RBM19: variants seen among roughly 807,000 people sequenced by gnomAD.
RBM19 encodes the protein RNA binding motif protein 19.
In RBM19, 94 loss-of-function variants were observed where a neutral mutation model predicts 116.8. The observed-to-expected ratio is 0.80, with a 90% CI of 0.68 to 0.95. The LOEUF (loss-of-function observed/expected upper bound fraction) is 0.95, where lower values mean the gene tolerates loss of function less well. Among genes scored for constraint, RBM19 ranks in the 40% least tolerant of loss-of-function variants. RBM19 has a pLI of 0.00. For missense variants in RBM19, 1,161 were observed against 1,220.7 expected (o/e 0.95, Z 0.73); for synonymous variants, 475 against 494.1 (o/e 0.96, Z 0.51).
At chr12:113,848,814 T>G (rs1877202483) in intron 22 of RBM19, among the ~76,000 whole-genome samples, 1 of 152,184 alleles carries the variant, frequency 6.6e-6, no homozygotes, top group African/African-American at 2.4e-5. Flanking sequence ...CTTGTTCATC[T>G]CAGGAGACTG....
rs753388784 is a variant in RBM19, at chr12:113,870,213, G to T, written c.2559-11317C>A. On this transcript the variant is annotated intron_variant, in intron 21 of 23. Transcript: ENST00000261741. ...AGCAGGAAGACACACTGTGTCGCCG[G>T]CTCACACCCACTCCTGCTGCCTGCT... Among the ~76,000 whole-genome samples the T allele has an allele frequency of 3.9e-5, 6 of 152,186 alleles. No individual in the cohort carries two copies. In the South Asian group the frequency reaches 6.2e-4, roughly 16 times the overall value.
At chr12:113,900,205 G>C (rs1881599899) in intron 21 of RBM19, among the ~76,000 whole-genome samples, 2 of 152,206 alleles carry the variant, frequency 1.3e-5, no homozygotes, top group South Asian at 2.1e-4. Flanking sequence ...TCAGTGCTCA[G>C]GGTTAATTAT....
intron 17 of RBM19, among the ~76,000 whole-genome samples, chr12:113,925,742 C>T (rs12425416): frequency 1.3e-5 from 2 of 152,172 alleles, no homozygotes; most frequent in East Asian, 3.9e-4. Flanking sequence ...GCTATGACTT[C>T]CAGCTCCAGA....
rs900518810 is a variant in RBM19, at chr12:113,825,431, C to T, written c.2786-2110G>A. 2.6e-5 allele frequency among the ~76,000 whole-genome samples: 4 copies of T among 152,200 alleles called. No individual in the cohort carries two copies. Among genetic ancestry groups the T allele is most frequent in the African/African-American group, 7.2e-5 (3 of 41,458 alleles). On this transcript the variant is annotated intron_variant, in intron 23 of 23. Coordinates refer to ENST00000261741, the MANE Select transcript of RBM19 (RefSeq NM_016196.4). The surrounding 1 kb of genome is among the most constrained non-coding windows in gnomAD (Gnocchi z 5.7). ...TAGACACTCTTGGTTTCCTTATAAT[C>T]GCCAGCCCTGGAGGTGCACAATGGC... is the stretch of plus-strand genomic sequence containing the variant.
At chr12:113,846,031 A>G (rs1257452980) in intron 22 of RBM19, among the ~76,000 whole-genome samples, 1 of 152,242 alleles carries the variant, frequency 6.6e-6, no homozygotes, top group Non-Finnish European at 1.5e-5. Flanking sequence ...ATAATTACTC[A>G]ATAGATGCTA....
chr12:113,944,093 G>GTTTTTTTTTTTTTTTTTTTTTTTTTTT (rs71433305), intron 13 of RBM19, among the ~76,000 whole-genome samples: 1 of 67,668 alleles, frequency 1.5e-5, no homozygotes, highest in Non-Finnish European at 2.6e-5. Context: ...CCAGATGCAT[G>GTTTTTTTTTTTTTTTTTTTTTTTTTTT]TTTTTTTTTT....
At chr12:113,913,646 AC>A (rs1170325151) in intron 21 of RBM19, among the ~76,000 whole-genome samples, 1 of 152,238 alleles carries the variant, frequency 6.6e-6, no homozygotes, top group African/African-American at 2.4e-5. Context: ...GGTAGATGCC[AC>A]ACAAAGATAA....
chr12:113,858,714 A>G, intron 22 of RBM19, 77 bp downstream of exon 22: 1 of 1,388,820 alleles, frequency 7.2e-7, no homozygotes, highest in Non-Finnish European at 1.0e-6. Flanking sequence ...TGTGTGTTAG[A>G]GGCCTGGCTG....
chr12:113,856,774 C>T (rs1427187091), intron 22 of RBM19, among the ~76,000 whole-genome samples: 1 of 152,210 alleles, frequency 6.6e-6, no homozygotes, highest in Non-Finnish European at 1.5e-5. Flanking sequence ...CCTTCCGCCT[C>T]CTCATCACAG....
chr12:113,937,079 C>A lies in RBM19; in HGVS notation c.1996G>T (p.Ala666Ser), dbSNP rs765629989. The change falls in exon 16 of 24, where the codon GCC becomes TCC. Residue 666 changes from alanine (A) to serine (S), a missense_variant. By Grantham distance (99) the Ala-to-Ser change is moderately conservative. Transcript: ENST00000261741. ...WAPVGVFSST[A>S]PQKKKLQDTP... ...TCTTGGAGCTTTTTCTTCTGTGGGG[C>A]TGTGCTGGAGAAGACGCCAACTGGA... 5.6e-6 allele frequency: 9 copies of A among 1,614,054 alleles called. No individual in the cohort carries two copies. Among genetic ancestry groups the A allele is most frequent in the Non-Finnish European group, 7.6e-6 (9 of 1,179,964 alleles).
chr12:113,855,784 G>A (rs570114499), intron 22 of RBM19, among the ~76,000 whole-genome samples: 9 of 152,188 alleles, frequency 5.9e-5, no homozygotes, highest in Middle Eastern at 3.4e-3. Flanking sequence ...TCAAACTCAC[G>A]CCCACCCTCA....
intron 22 of RBM19, among the ~76,000 whole-genome samples, chr12:113,857,800 C>A (rs891652314): frequency 2.0e-5 from 3 of 152,236 alleles, no homozygotes; most frequent in African/African-American, 7.2e-5. Context: ...CCACCTTTGG[C>A]TCTGCACAGC....
chr12:113,828,099 CAAAAAAAA>C (rs34234377), intron 23 of RBM19, among the ~76,000 whole-genome samples: 1 of 67,334 alleles, frequency 1.5e-5, no homozygotes, highest in East Asian at 4.0e-4. Context: ...GACTCTGTCT[CAAAAAAAA>C]AAAAAAAAAA....
In RBM19 at chr12:113,952,500, C is replaced by T. The variant is rs1871554103; in HGVS notation, c.1000+12G>A. ...TACCCGCCTTCCCACCTGGAAACATCCTGGATCTTACCTGTTTTATTCCCA... is the reference window on the plus strand; with the variant it reads ...TACCCGCCTTCCCACCTGGAAACATTCTGGATCTTACCTGTTTTATTCCCA... On this transcript the variant is annotated intron_variant, in intron 8 of 23. Transcript: ENST00000261741. 2 of 1,609,818 alleles carry T rather than the reference C, an allele frequency of 1.2e-6. No homozygotes were observed. The highest frequency in any genetic ancestry group is 2.2e-5 in the East Asian group (1 of 44,842).
intron 23 of RBM19, among the ~76,000 whole-genome samples, chr12:113,839,448 C>T (rs1876270208): frequency 6.6e-6 from 1 of 152,228 alleles, no homozygotes; most frequent in Non-Finnish European, 1.5e-5. Flanking sequence ...CTCACTTTCC[C>T]AATCCAGTGT....
chr12:113,892,674 CG>C (rs1339138175), intron 21 of RBM19, among the ~76,000 whole-genome samples: 5 of 152,038 alleles, frequency 3.3e-5, no homozygotes, highest in African/African-American at 1.2e-4. Flanking sequence ...TGAACAGAGA[CG>C]GGGAAGAGAG....
intron 22 of RBM19, among the ~76,000 whole-genome samples, chr12:113,851,204 G>A (rs1877418285): frequency 6.6e-6 from 1 of 152,210 alleles, no homozygotes; most frequent in Non-Finnish European, 1.5e-5. Context: ...CCATGGAGCT[G>A]AGGGTGAACT....
chr12:113,948,639 C>T (rs890065074), intron 10 of RBM19, among the ~76,000 whole-genome samples, 194 bp downstream of exon 10: 6 of 152,168 alleles, frequency 3.9e-5, no homozygotes, highest in Admixed American at 1.3e-4. Flanking sequence ...TCCTGCCCTG[C>T]GAATCCCTGC....
intron 23 of RBM19, among the ~76,000 whole-genome samples, chr12:113,840,014 G>C (rs1252422857): frequency 6.6e-6 from 1 of 151,912 alleles, no homozygotes; most frequent in Non-Finnish European, 1.5e-5. Flanking sequence ...CAATTACCAG[G>C]CATTCCCAGT....
Sources: allele counts gnomAD v4.1 joint callset (sites outside exome capture counted in the v4.1 genomes callset), GRCh38; gene constraint gnomAD v4.1.1; non-coding constraint Gnocchi (gnomAD v3.1); transcripts MANE v1.5; gene names NCBI Gene and HGNC (gene_info 2026-07-23, HGNC 2026-07-21).